PCDHGA1: variants seen among roughly 807,000 people sequenced by gnomAD.
The protein encoded by PCDHGA1 is protocadherin gamma subfamily A, 1.
Under a neutral mutation model 58.0 loss-of-function variants are expected in PCDHGA1, and 32 were observed. The observed-to-expected ratio is 0.55, with a 90% CI of 0.42 to 0.74. PCDHGA1 has a LOEUF of 0.74. PCDHGA1 is among the 30% of genes least tolerant of loss of function. The pLI is 0.00. For missense variants in PCDHGA1, 1,205 were observed against 1,182.3 expected (o/e 1.02, Z -0.28); for synonymous variants, 498 against 501.1 (o/e 0.99, Z 0.08).
intron 1 of PCDHGA1, chr5:141,351,130 C>A (rs1758652135): frequency 1.2e-6 from 2 of 1,614,058 alleles, no homozygotes; most frequent in Non-Finnish European, 1.7e-6. Flanking sequence ...TCTTCAATCT[C>A]AATCCAAATA....
rs1382364867 is a variant in PCDHGA1, at chr5:141,374,132, C to A, written c.2421+41027C>A. 2.5e-6 allele frequency: 4 copies of A among 1,605,166 alleles called. No homozygotes were observed. The highest frequency in any genetic ancestry group is 3.4e-6 in the Non-Finnish European group (4 of 1,174,350). On this transcript the variant is annotated intron_variant, in intron 1 of 3. Transcript: ENST00000517417. ...GCAGCGCAGCGAGCAGGTCCTGCTC[C>A]TCACGCTCCTGGGGACGCTGTGGGG...
At chr5:141,355,793 G>C (rs1157536797) in intron 1 of PCDHGA1, 1 of 1,613,456 alleles carries the variant, frequency 6.2e-7, no homozygotes, top group African/African-American at 1.3e-5. Flanking sequence ...GTGCTGGAAC[G>C]CGCTCTAGAT....
chr5:141,339,402 A>G, intron 1 of PCDHGA1: 1 of 1,614,236 alleles, frequency 6.2e-7, no homozygotes, highest in Non-Finnish European at 8.5e-7. Context: ...AAAATCAGTG[A>G]AACCACTACG....
chr5:141,477,708 G>T lies in PCDHGA1; in HGVS notation c.2422-17099G>T. ...GTGCCCCTAGACTATGAGGATCGGC[G>T]GGAATTTGAATTAACAGCTCATATC... On this transcript the variant is annotated intron_variant, in intron 1 of 3. Transcript: ENST00000517417. The surrounding 1 kb of genome is among the most constrained non-coding windows in gnomAD (Gnocchi z 4.9). 2 of 1,613,930 alleles carry T rather than the reference G, an allele frequency of 1.2e-6. No individual in the cohort carries two copies. Among genetic ancestry groups the T allele is most frequent in the Non-Finnish European group, 1.7e-6 (2 of 1,180,030 alleles).
chr5:141,390,358 G>T, intron 1 of PCDHGA1: 1 of 1,540,914 alleles, frequency 6.5e-7, no homozygotes, highest in East Asian at 2.2e-5. Context: ...ATACATATTT[G>T]CAGGAAAATA....
intron 1 of PCDHGA1, chr5:141,383,938 G>A: frequency 6.2e-7 from 1 of 1,613,866 alleles, no homozygotes; most frequent in Non-Finnish European, 8.5e-7. Context: ...TGCTCCAGAA[G>A]TGACTATGAC....
Position 141,487,682 on chromosome 5 carries a change from G to A in PCDHGA1, c.2422-7125G>A, listed in dbSNP as rs757434520. On this transcript the variant is annotated intron_variant, in intron 1 of 3. Transcript: ENST00000517417. This position sits in a 1 kb window ranked among gnomAD's most constrained non-coding sequence, Gnocchi z 5.0. ...TGATCCAGGCATATGGCTAGGCCATGTCCTAGAGAGTACTGGCCTCTCAGT... is the reference window on the plus strand; with the variant it reads ...TGATCCAGGCATATGGCTAGGCCATATCCTAGAGAGTACTGGCCTCTCAGT... The A allele has an allele frequency of 1.2e-6, 2 of 1,607,256 alleles. No individual in the cohort carries two copies. Among genetic ancestry groups the A allele is most frequent in the East Asian group, 4.5e-5 (2 of 44,762 alleles).
chr5:141,395,372 G>A, intron 1 of PCDHGA1: 2 of 1,191,834 alleles, frequency 1.7e-6, no homozygotes, highest in Non-Finnish European at 2.3e-6. Flanking sequence ...TTATTTTGGT[G>A]GTGTTACTAT....
chr5:141,340,422 A>G (rs747239021), intron 1 of PCDHGA1: 1 of 1,614,196 alleles, frequency 6.2e-7, no homozygotes, highest in Admixed American at 1.7e-5. Context: ...AGCAACGACA[A>G]TGCTCATGTA....
chr5:141,472,505 A>G (rs1041224118), intron 1 of PCDHGA1, among the ~76,000 whole-genome samples: 4 of 152,004 alleles, frequency 2.6e-5, no homozygotes, highest in African/African-American at 7.3e-5. Context: ...GTGCCACTGC[A>G]CTCCAGCCTG....
intron 1 of PCDHGA1, among the ~76,000 whole-genome samples, chr5:141,473,107 C>A (rs2099314182): frequency 6.6e-6 from 1 of 152,134 alleles, no homozygotes; most frequent in Admixed American, 6.5e-5. Flanking sequence ...TATTACCACA[C>A]TTTACTTGGC....
intron 1 of PCDHGA1, chr5:141,374,359 C>T (rs1179448303): frequency 6.2e-7 from 1 of 1,614,000 alleles, no homozygotes; most frequent in Admixed American, 1.7e-5. Context: ...GGATAGACCG[C>T]GAGGAGCTCT....
chr5:141,435,026 C>A (rs977017371), intron 1 of PCDHGA1, among the ~76,000 whole-genome samples: 4 of 151,978 alleles, frequency 2.6e-5, no homozygotes, highest in Non-Finnish European at 5.9e-5. Context: ...GCTCTTTTCC[C>A]ACTTTTATTT....
At chr5:141,366,562 T>C (rs767375100) in intron 1 of PCDHGA1, 21 of 1,614,112 alleles carry the variant, frequency 1.3e-5, no homozygotes, top group Non-Finnish European at 1.7e-5. Flanking sequence ...TGGGCGTGGA[T>C]GGGGTTCGGG....
rs11575954 is a variant in PCDHGA1 at position 141,376,006 on chromosome 5, C to A, written c.2421+42901C>A. 8.7e-3 allele frequency: 14,039 copies of A among 1,613,452 alleles called. 99 individuals carry two copies. Among genetic ancestry groups the A allele is most frequent in the Middle Eastern group, 0.011 (63 of 5,814 alleles). ...TGGACAGAGACGCGCTCAAGCAGAGCCTAGTGGTGGCCGTCCAGGACCACG... is the reference window on the plus strand; with the variant it reads ...TGGACAGAGACGCGCTCAAGCAGAGACTAGTGGTGGCCGTCCAGGACCACG... On this transcript the variant is annotated intron_variant, in intron 1 of 3. Transcript: ENST00000517417.
rs770419617 is a variant in PCDHGA1, at chr5:141,421,523, C to T, written c.2422-73284C>T. The T allele has an allele frequency of 2.5e-6, 4 of 1,614,034 alleles. No homozygotes were observed. In the Admixed American group the frequency reaches 5.0e-5, roughly 20 times the overall value. ...ATAGACCGGGAGGAGCTCTGTGAGA[C>T]GGTGTCCTCCTGTTTTTTAAATATG... On this transcript the variant is annotated intron_variant, in intron 1 of 3. Transcript: ENST00000517417.
Position 141,338,861 on chromosome 5 carries a change from A to T in PCDHGA1, c.2421+5756A>T. 4 of 1,436,268 alleles carry T rather than the reference A, an allele frequency of 2.8e-6. No individual in the cohort carries two copies. The South Asian group carries it at 6.2e-5, about 22-fold the overall frequency. The allele number at this position is 1,436,268 out of a possible 1,614,324, so 89.0% of individuals were successfully genotyped here. On this transcript the variant is annotated intron_variant, in intron 1 of 3. Transcript: ENST00000517417. ...GTCGAACAGCCCACCAGTTCTCTCCATAGGGACCTGGGTCCCGTGAATGCT... is the reference window on the plus strand; with the variant it reads ...GTCGAACAGCCCACCAGTTCTCTCCTTAGGGACCTGGGTCCCGTGAATGCT...
chr5:141,481,362 A>G (rs2099536613), intron 1 of PCDHGA1, among the ~76,000 whole-genome samples: 1 of 152,252 alleles, frequency 6.6e-6, no homozygotes, highest in African/African-American at 2.4e-5. Context: ...CAGCTGTTCA[A>G]TAGATATTGG....
chr5:141,394,929 G>C, intron 1 of PCDHGA1: 4 of 1,613,762 alleles, frequency 2.5e-6, no homozygotes, highest in Non-Finnish European at 3.4e-6. Flanking sequence ...TGTCTTCCTC[G>C]CCTTTGTCGC....
Sources: allele counts gnomAD v4.1 joint callset (sites outside exome capture counted in the v4.1 genomes callset), GRCh38; gene constraint gnomAD v4.1.1; non-coding constraint Gnocchi (gnomAD v3.1); transcripts MANE v1.5; gene names NCBI Gene and HGNC (gene_info 2026-07-23, HGNC 2026-07-21).